SYNE1: variants seen among roughly 807,000 people sequenced by gnomAD.
SYNE1 encodes the protein spectrin repeat containing nuclear envelope protein 1.
Under a neutral mutation model 1,111.0 loss-of-function variants are expected in SYNE1, and 616 were observed. The ratio of observed to expected loss-of-function variants is 0.55; its 90% CI spans 0.52 to 0.59. The LOEUF (loss-of-function observed/expected upper bound fraction) is 0.59, where lower values mean the gene tolerates loss of function less well. SYNE1 is among the 20% of genes least tolerant of loss of function. The pLI, the probability that SYNE1 is intolerant of heterozygous loss-of-function variation, is 0.00. For missense variants in SYNE1, 10,006 were observed against 10,417.0 expected, an observed-to-expected ratio of 0.96 and a Z score of 1.72; for synonymous variants, 3,855 against 3,825.8, an observed-to-expected ratio of 1.01 and a Z score of -0.28.
At position 152,139,707 on chromosome 6, in the gene SYNE1, A is replaced by AAAAGAAAGAAAAAG. The variant is rs1491563578; in HGVS notation, c.25458+229_25458+242dup. Among the ~76,000 whole-genome samples the AAAAGAAAGAAAAAG allele has an allele frequency of 5.8e-3, 423 of 73,426 alleles. 37 individuals carry two copies. Among genetic ancestry groups the AAAAGAAAGAAAAAG allele is most frequent in the Middle Eastern group, 0.021 (4 of 194 alleles). 48.2% of individuals were successfully genotyped at this position (73,426 alleles called of 152,430 possible). A position where few individuals can be genotyped will look rare whatever the true frequency, so the allele number is the denominator to read the frequency against. On this transcript the variant is annotated intron_variant, in intron 140 of 145. Transcript: ENST00000367255. ...AAGAAAGAAAAAGAAAGAGAAAAAGAAAAGAAAGAAAAAGAAAGAAAGAAA... is the reference window on the plus strand; with the variant it reads ...AAGAAAGAAAAAGAAAGAGAAAAAGAAAAGAAAGAAAAAGAAAGAAAGAAAAAGAAAGAAAGAAA...
intron 145 of SYNE1, chr6:152,128,250 C>T (rs1379993982): frequency 2.0e-5 from 3 of 152,216 alleles, no homozygotes; most frequent in Non-Finnish European, 4.4e-5. Flanking sequence ...GTGTGTTTAA[C>T]CTCAAATAAC....
chr6:152,234,634 G>C (rs772831018), intron 111 of SYNE1, 34 bp downstream of exon 111: 79 of 1,613,604 alleles, frequency 4.9e-5, no homozygotes, highest in Non-Finnish European at 6.5e-5. Context: ...TAACTTATAG[G>C]CCTGAATCAA....
At chr6:152,297,965 C>T (rs892267732) in intron 93 of SYNE1, among the ~76,000 whole-genome samples, 3 of 152,162 alleles carry the variant, frequency 2.0e-5, no homozygotes, top group Admixed American at 6.5e-5. Context: ...ATAAATCACT[C>T]AGTACTATAA....
intron 11 of SYNE1, among the ~76,000 whole-genome samples, chr6:152,490,852 G>A: frequency 6.6e-6 from 1 of 152,122 alleles, no homozygotes; most frequent in Non-Finnish European, 1.5e-5. Flanking sequence ...CCTCAGGCCA[G>A]CCCAAGGAAC....
chr6:152,321,102 T>G (rs576362005), intron 84 of SYNE1, 136 bp downstream of exon 84: 2 of 923,008 alleles, frequency 2.2e-6, no homozygotes, highest in African/African-American at 1.7e-5. Context: ...TAATTTAATA[T>G]TATTGTTTTA....
In SYNE1 at chr6:152,134,737, T is replaced by C. The variant is rs143668837; in HGVS notation, c.25788+367A>G. 74 of 254,330 alleles carry C rather than the reference T, an allele frequency of 2.9e-4. No individual in the cohort carries two copies. The East Asian group carries it at 3.8e-3, about 13-fold the overall frequency. The allele number at this position is 254,330 out of a possible 1,614,324, so 15.8% of individuals were successfully genotyped here. On this transcript the variant is annotated intron_variant, in intron 142 of 145. Transcript: ENST00000367255. ...ACTTAATTGTCTCATTCTATTCTAA[T>C]ATTTTAATGACCTTTTACTACAAGC...
chr6:152,448,650 T>C (rs1316402192), intron 28 of SYNE1, among the ~76,000 whole-genome samples: 1 of 152,094 alleles, frequency 6.6e-6, no homozygotes, highest in Non-Finnish European at 1.5e-5. Flanking sequence ...GAAACTAGCC[T>C]GAGCAACATG....
chr6:152,207,163 T>A (rs1313564037), intron 125 of SYNE1, among the ~76,000 whole-genome samples: 2 of 151,918 alleles, frequency 1.3e-5, no homozygotes, highest in South Asian at 2.1e-4. Flanking sequence ...CAAGGAGAAG[T>A]ATAGCTCTCA....
At chr6:152,486,289 G>A (rs2098940021) in intron 12 of SYNE1, among the ~76,000 whole-genome samples, 1 of 152,084 alleles carries the variant, frequency 6.6e-6, no homozygotes, top group Admixed American at 6.5e-5. Context: ...ACAGGATTCT[G>A]AGTGAAAAAA....
Position 152,325,240 on chromosome 6 carries a change from T to C in SYNE1, c.15501A>G (p.Ser5167=), listed in dbSNP as rs1234298587. The C allele has an allele frequency of 5.6e-6, 9 of 1,614,070 alleles. No individual in the cohort carries two copies. The change falls in exon 81 of 146, where the codon TCA becomes TCG. Residue 5167 remains serine, a synonymous_variant. Transcript: ENST00000367255. ...EKIVALEEKA[S]QLEKTGNDAS... is the part of the protein sequence containing the mutation. ...CATCATTTCCGGTTTTCTCCAGTTGTGAAGCTTTTTCCTCAAGGGCCACAA... is the reference window on the plus strand; with the variant it reads ...CATCATTTCCGGTTTTCTCCAGTTGCGAAGCTTTTTCCTCAAGGGCCACAA...
chr6:152,442,382 A>G (rs2098539760), intron 30 of SYNE1, 137 bp from the exon 31 acceptor site: 1 of 963,248 alleles, frequency 1.0e-6, no homozygotes, highest in Non-Finnish European at 1.6e-6. Flanking sequence ...AACAGTTGAA[A>G]TGGTAGTCGG....
chr6:152,366,046 G>C (rs907932380), intron 62 of SYNE1, among the ~76,000 whole-genome samples: 1 of 152,086 alleles, frequency 6.6e-6, no homozygotes, highest in African/African-American at 2.4e-5. Flanking sequence ...TTAAAAACTT[G>C]GTTTTGCCCG....
chr6:152,381,842 T>C (rs551970781), intron 55 of SYNE1, among the ~76,000 whole-genome samples: 2 of 152,274 alleles, frequency 1.3e-5, no homozygotes, highest in East Asian at 3.9e-4. Flanking sequence ...TCAAGCAGAC[T>C]CATCACAGCA....
At chr6:152,288,737 G>T (rs775654815) in intron 95 of SYNE1, among the ~76,000 whole-genome samples, 1 of 152,166 alleles carries the variant, frequency 6.6e-6, no homozygotes, top group Non-Finnish European at 1.5e-5. Flanking sequence ...GTAGAGACAA[G>T]GTTTCACCAT....
intron 2 of SYNE1, among the ~76,000 whole-genome samples, chr6:152,630,610 AT>A (rs942072684): frequency 1.6e-4 from 25 of 152,340 alleles, no homozygotes; most frequent in Admixed American, 1.6e-3. Flanking sequence ...AGGTTTTCAA[AT>A]GCAAAAATAT....
intron 3 of SYNE1, among the ~76,000 whole-genome samples, chr6:152,554,002 C>T (rs2099356797): frequency 1.3e-5 from 2 of 151,842 alleles, no homozygotes; most frequent in Non-Finnish European, 2.9e-5. Flanking sequence ...ATGGGGTGGC[C>T]CTGGGAGGAG....
At position 152,130,745 on chromosome 6, in the gene SYNE1, G is replaced by T; in HGVS notation, c.26128C>A (p.Pro8710Thr). 1 of 1,614,160 alleles carries T rather than the reference G, an allele frequency of 6.2e-7. No individual in the cohort carries two copies. The highest frequency in any genetic ancestry group is 1.1e-5 in the South Asian group (1 of 91,080). Reference sequence around the variant, plus strand: ...CTGCTATGTGGACTGCTGACAGAGGGTCCAGGCTGTGAGAGACTACACTTG... The same window carrying T: ...CTGCTATGTGGACTGCTGACAGAGGTTCCAGGCTGTGAGAGACTACACTTG... ...RGKCSLSQPG[P>T]SVSSPHSRST... Residue 8710 changes from proline to threonine, a missense_variant, in exon 145 of 146, where the codon CCC becomes ACC. By Grantham distance (38) the Pro-to-Thr change is conservative. This residue lies in a region of SYNE1 where 761 missense variants were observed against 795.5 expected (regional missense o/e 0.96). Coordinates refer to ENST00000367255, the MANE Select transcript of SYNE1 (RefSeq NM_182961.4).
intron 63 of SYNE1, among the ~76,000 whole-genome samples, chr6:152,364,217 T>C (rs1385593908): frequency 1.3e-5 from 2 of 152,162 alleles, no homozygotes; most frequent in East Asian, 1.9e-4. Flanking sequence ...GATTGTAAGT[T>C]TCCTGAGGCC....
intron 130 of SYNE1, among the ~76,000 whole-genome samples, chr6:152,170,919 A>G (rs1316576680): frequency 6.6e-6 from 1 of 152,158 alleles, no homozygotes; most frequent in East Asian, 1.9e-4. Flanking sequence ...TTTCCCCCAG[A>G]CTGTTCTTGT....
Sources: allele counts gnomAD v4.1 joint callset (sites outside exome capture counted in the v4.1 genomes callset), GRCh38; gene constraint gnomAD v4.1.1; regional missense constraint gnomAD v4.1.1; transcripts MANE v1.5; gene names NCBI Gene and HGNC (gene_info 2026-07-23, HGNC 2026-07-21).